The following ST3GAL3 variants were observed in gnomAD, a reference collection of about 807,000 sequenced individuals.
ST3GAL3 encodes the protein CMP-N-acetylneuraminate-beta-1,4-galactoside alpha-2,3-sialyltransferase.
Under a neutral mutation model 50.1 loss-of-function variants are expected in ST3GAL3, and 21 were observed. The ratio of observed to expected loss-of-function variants is 0.42; its 90% CI spans 0.30 to 0.60. The LOEUF (loss-of-function observed/expected upper bound fraction) is 0.60, where lower values mean the gene tolerates loss of function less well. ST3GAL3 is among the 20% of genes least tolerant of loss of function. The pLI, the probability that ST3GAL3 is intolerant of heterozygous loss-of-function variation, is 0.19. For synonymous variants in ST3GAL3, 183 were observed against 190.0 expected (o/e 0.96, Z 0.30); for missense variants, 353 against 489.4 (o/e 0.72, Z 2.63).
At chr1:43,826,004 G>A (rs956402416) in intron 4 of ST3GAL3, among the ~76,000 whole-genome samples, 1 of 152,058 alleles carries the variant, frequency 6.6e-6, no homozygotes, top group African/African-American at 2.4e-5. Context: ...GGTAGTTCAT[G>A]CCTATAGTCC....
intron 4 of ST3GAL3, among the ~76,000 whole-genome samples, chr1:43,830,126 G>A (rs887764524): frequency 1.8e-4 from 25 of 138,504 alleles, no homozygotes; most frequent in Non-Finnish European, 2.6e-4. Context: ...CAGCCTCCCC[G>A]GCCCAAGCAA....
At chr1:43,898,985 G>A in intron 7 of ST3GAL3, 183 bp from the exon 8 acceptor site, 1 of 723,506 alleles carries the variant, frequency 1.4e-6, no homozygotes, top group South Asian at 1.8e-5. Flanking sequence ...GAGAGTCTCA[G>A]GGCCCAGCTA....
intron 2 of ST3GAL3, among the ~76,000 whole-genome samples, chr1:43,779,749 TACCA>T (rs1558264561): frequency 6.6e-6 from 1 of 152,254 alleles, no homozygotes. Context: ...TATTCATAGA[TACCA>T]TGATTACTGG....
intron 5 of ST3GAL3, among the ~76,000 whole-genome samples, chr1:43,852,506 T>C (rs1245750793): frequency 6.6e-6 from 1 of 152,228 alleles, no homozygotes; most frequent in Non-Finnish European, 1.5e-5. Context: ...ACTTCTCACA[T>C]AGAGGCATGG....
intron 9 of ST3GAL3, among the ~76,000 whole-genome samples, chr1:43,902,953 C>T (rs2078537853): frequency 6.6e-6 from 1 of 152,156 alleles, no homozygotes; most frequent in African/African-American, 2.4e-5. Flanking sequence ...AGTTACAGTA[C>T]AGTGTGGAGG....
chr1:43,920,337 C>T (rs529622347), intron 9 of ST3GAL3, 67 bp from the exon 10 acceptor site: 10 of 1,609,700 alleles, frequency 6.2e-6, no homozygotes, highest in African/African-American at 1.3e-5. Flanking sequence ...CTTGGGGTCC[C>T]TGCCACTCCC....
chr1:43,742,935 T>C (rs956753846), intron 2 of ST3GAL3, among the ~76,000 whole-genome samples: 4 of 151,988 alleles, frequency 2.6e-5, no homozygotes, highest in Non-Finnish European at 4.4e-5. Context: ...CTGTCTCTAC[T>C]AAAAATACAA....
intron 11 of ST3GAL3, among the ~76,000 whole-genome samples, chr1:43,923,094 A>G (rs2083328468): frequency 6.6e-6 from 1 of 152,046 alleles, no homozygotes; most frequent in Non-Finnish European, 1.5e-5. Context: ...GTCTCAAAAA[A>G]AAGAAAAGAA....
chr1:43,930,897 A>C lies in ST3GAL3; in HGVS notation c.*676A>C, dbSNP rs1454682250. 6.3e-6 allele frequency: 1 copy of C among 158,710 alleles called. No individual in the cohort carries two copies. Among genetic ancestry groups the C allele is most frequent in the African/African-American group, 2.4e-5 (1 of 41,514 alleles). 9.8% of individuals were successfully genotyped at this position (158,710 alleles called of 1,614,324 possible). A position where few individuals can be genotyped will look rare whatever the true frequency, so the allele number is the denominator to read the frequency against. ...CAAGACCGCCCCAGGGCTATAGCAG[A>C]AAGAACTTTAAAGCTCAGGAGGGTG... On this transcript the variant is annotated 3_prime_UTR_variant, in exon 12 of 12. Coordinates refer to ENST00000347631, the MANE Select transcript of ST3GAL3 (RefSeq NM_006279.5).
intron 2 of ST3GAL3, among the ~76,000 whole-genome samples, chr1:43,747,764 A>G (rs1397221869): frequency 6.6e-6 from 1 of 151,786 alleles, no homozygotes; most frequent in African/African-American, 2.4e-5. Context: ...TACTTTTAGT[A>G]GAGACAGGGT....
intron 5 of ST3GAL3, among the ~76,000 whole-genome samples, chr1:43,880,099 A>G (rs1434575936): frequency 6.6e-5 from 10 of 152,254 alleles, no homozygotes; most frequent in Non-Finnish European, 1.5e-4. Context: ...CTGTCACCCC[A>G]AGCTGCTCCT....
At chr1:43,758,770 T>C (rs981945459) in intron 2 of ST3GAL3, among the ~76,000 whole-genome samples, 4 of 152,092 alleles carry the variant, frequency 2.6e-5, no homozygotes, top group African/African-American at 9.7e-5. Flanking sequence ...TTCACACCTA[T>C]AATTCCAGCA....
intron 3 of ST3GAL3, among the ~76,000 whole-genome samples, chr1:43,794,385 G>A (rs2058453625): frequency 6.6e-6 from 1 of 152,176 alleles, no homozygotes; most frequent in African/African-American, 2.4e-5. Flanking sequence ...CTACCAAATG[G>A]CAAAACTTGA....
chr1:43,907,032 G>T (rs745859931), intron 9 of ST3GAL3, among the ~76,000 whole-genome samples: 4 of 152,118 alleles, frequency 2.6e-5, no homozygotes, highest in East Asian at 1.9e-4. Flanking sequence ...ATCTGCCATG[G>T]TCTGTGAGGA....
At chr1:43,875,684 G>A (rs1261914188) in intron 5 of ST3GAL3, among the ~76,000 whole-genome samples, 2 of 151,888 alleles carry the variant, frequency 1.3e-5, no homozygotes, top group Admixed American at 6.6e-5. Flanking sequence ...TTCACCTTCC[G>A]CCATGATTGT....
chr1:43,739,653 A>C (rs1171273652), intron 2 of ST3GAL3, among the ~76,000 whole-genome samples: 1 of 152,234 alleles, frequency 6.6e-6, no homozygotes, highest in Non-Finnish European at 1.5e-5. Context: ...TGAGAACAAA[A>C]CACAACAATT....
In ST3GAL3 at chr1:43,813,945, G is replaced by A. The variant is rs77703298; in HGVS notation, c.167-946G>A. On this transcript the variant is annotated intron_variant, in intron 3 of 11. Coordinates refer to ENST00000347631, the MANE Select transcript of ST3GAL3 (RefSeq NM_006279.5). ...CACACACACACACACTGCAACTATG[G>A]AGCAGAGCCATAAGAAATAATCCCA... Among the ~76,000 whole-genome samples the A allele has an allele frequency of 1.0e-3, 157 of 150,094 alleles. 2 individuals are homozygous for A. The highest frequency in any genetic ancestry group is 3.6e-3 in the African/African-American group (148 of 40,608).
chr1:43,867,355 A>G (rs1462360676), intron 5 of ST3GAL3, among the ~76,000 whole-genome samples: 2 of 152,220 alleles, frequency 1.3e-5, no homozygotes, highest in Non-Finnish European at 2.9e-5. Flanking sequence ...CCCAAGAAGA[A>G]GATCATTTCT....
chr1:43,757,975 G>T (rs892419390), intron 2 of ST3GAL3, among the ~76,000 whole-genome samples: 2 of 149,302 alleles, frequency 1.3e-5, no homozygotes, highest in Non-Finnish European at 3.0e-5. Flanking sequence ...TTACTATTCA[G>T]TAATAAGTAG....
Sources: gnomAD v4.1 joint callset for allele counts (sites outside exome capture counted in the v4.1 genomes callset) on GRCh38, gnomAD v4.1.1 for gene constraint, MANE v1.5 for transcripts, NCBI Gene and HGNC (gene_info 2026-07-23, HGNC 2026-07-21) for gene names.